The following HDAC4 variants were observed in gnomAD, a reference collection of about 807,000 sequenced individuals.
HDAC4 encodes the protein histone deacetylase 4.
Under a neutral mutation model 135.1 loss-of-function variants are expected in HDAC4, and 16 were observed. The observed-to-expected ratio is 0.12, with a 90% confidence interval of 0.08 to 0.18. The LOEUF (loss-of-function observed/expected upper bound fraction) is 0.18, where lower values mean the gene tolerates loss of function less well. Among genes scored for constraint, HDAC4 ranks in the 10% least tolerant of loss-of-function variants. HDAC4 has a pLI of 1.00. For missense variants in HDAC4, 1,143 were observed against 1,511.8 expected, an observed-to-expected ratio of 0.76 and a Z score of 4.05; for synonymous variants, 685 against 653.4, an observed-to-expected ratio of 1.05 and a Z score of -0.74.
rs74972876 is a variant in HDAC4, at chr2:239,319,515, G to T, written c.22+33163C>A. ...AAGACACTGGCACTAGGTCTAAGAC[G>T]GTGTGGCCGTGCTGGAGGTCACGCA... is the stretch of plus-strand genomic sequence containing the variant. On this transcript the variant is annotated intron_variant, in intron 2 of 26. Coordinates refer to ENST00000543185, the MANE Select transcript of HDAC4 (RefSeq NM_001378414.1). Among the ~76,000 whole-genome samples the T allele has an allele frequency of 7.9e-3, 1,202 of 152,342 alleles. 12 individuals carry two copies. The highest frequency in any genetic ancestry group is 0.028 in the African/African-American group (1,146 of 41,574).
chr2:239,388,578 C>A (rs1346209599), intron 1 of HDAC4, among the ~76,000 whole-genome samples: 2 of 152,210 alleles, frequency 1.3e-5, no homozygotes, highest in Non-Finnish European at 2.9e-5. Flanking sequence ...GCAGCTGGAC[C>A]GCACGGCTGG....
chr2:239,221,027 C>T (rs1400858835), intron 3 of HDAC4, among the ~76,000 whole-genome samples: 1 of 152,156 alleles, frequency 6.6e-6, no homozygotes, highest in Non-Finnish European at 1.5e-5. Context: ...AGCCCTTGGA[C>T]TCAGCTCATT....
In HDAC4 at chr2:239,115,242, G is replaced by A; in HGVS notation, c.1602C>T (p.Leu534=). The A allele has an allele frequency of 3.7e-6, 6 of 1,612,846 alleles. No individual in the cohort carries two copies. The highest frequency in any genetic ancestry group is 5.1e-6 in the Non-Finnish European group (6 of 1,179,718). Reference sequence around the variant, plus strand: ...CGTCCAGCAGAGCCTGGTGCTCACGGAGCTCCTCCTCCGTCTCCTCCGGGT... The same window carrying A: ...CGTCCAGCAGAGCCTGGTGCTCACGAAGCTCCTCCTCCGTCTCCTCCGGGT... ...ESHPEETEEE[L]REHQALLDEP... The change falls in exon 13 of 27, where the codon CTC becomes CTT. Residue 534 remains leucine, a synonymous_variant. Transcript: ENST00000543185. The surrounding 1 kb of genome is among the most constrained non-coding windows in gnomAD (Gnocchi z 6.3).
intron 13 of HDAC4, among the ~76,000 whole-genome samples, chr2:239,114,710 C>T (rs943461403): frequency 1.3e-5 from 2 of 152,220 alleles, no homozygotes; most frequent in African/African-American, 4.8e-5. Flanking sequence ...CTAGTTCCTT[C>T]ACTTCTTTAA....
chr2:239,284,508 T>C (rs1324345689), intron 2 of HDAC4, among the ~76,000 whole-genome samples: 1 of 152,184 alleles, frequency 6.6e-6, no homozygotes, highest in African/African-American at 2.4e-5. Flanking sequence ...GGGGTGACCC[T>C]GAGAGCAGCT....
chr2:239,230,724 T>C (rs1358867426), intron 3 of HDAC4, among the ~76,000 whole-genome samples: 1 of 152,208 alleles, frequency 6.6e-6, no homozygotes, highest in Non-Finnish European at 1.5e-5. Flanking sequence ...GCAGGAATAT[T>C]ACAACCAAGG....
At chr2:239,077,557 C>T (rs1039794961) in intron 22 of HDAC4, among the ~76,000 whole-genome samples, 2 of 152,254 alleles carry the variant, frequency 1.3e-5, no homozygotes, top group African/African-American at 4.8e-5. Flanking sequence ...AGCTTATATG[C>T]TTTTGCTTCT....
chr2:239,391,907 C>T (rs2411848), intron 1 of HDAC4, among the ~76,000 whole-genome samples: 3 of 48,646 alleles, frequency 6.2e-5, no homozygotes, highest in Non-Finnish European at 8.7e-5. Context: ...TTCGTCAGAA[C>T]GCAGCCCGCG....
At chr2:239,055,156 G>A (rs1428649013) in intron 24 of HDAC4, 1 of 344,616 alleles carries the variant, frequency 2.9e-6, no homozygotes, top group African/African-American at 2.1e-5. Flanking sequence ...GTTCCATGAG[G>A]GGGAGTGACG....
chr2:239,162,086 G>T (rs1440590309), intron 6 of HDAC4: 1 of 455,370 alleles, frequency 2.2e-6, no homozygotes, highest in African/African-American at 2.0e-5. Context: ...GCCACCCTCT[G>T]GGGGCTGCCC....
intron 2 of HDAC4, among the ~76,000 whole-genome samples, chr2:239,289,539 A>G (rs894454784): frequency 1.3e-5 from 2 of 152,232 alleles, no homozygotes; most frequent in Non-Finnish European, 2.9e-5. Flanking sequence ...CTAAGTGCCC[A>G]GCACCAGGCC....
chr2:239,114,616 AG>A (rs1406223295), intron 13 of HDAC4, among the ~76,000 whole-genome samples: 1 of 152,206 alleles, frequency 6.6e-6, no homozygotes, highest in Admixed American at 6.5e-5. Context: ...CTGGATCTGC[AG>A]GGCTGCTCAT....
chr2:239,104,974 C>T (rs184033757), intron 15 of HDAC4, among the ~76,000 whole-genome samples: 7 of 152,302 alleles, frequency 4.6e-5, no homozygotes, highest in East Asian at 1.9e-4. Flanking sequence ...TGCAGGTGCG[C>T]GACACCGCAA....
intron 2 of HDAC4, among the ~76,000 whole-genome samples, chr2:239,344,136 C>T (rs892325526): frequency 1.3e-5 from 2 of 152,146 alleles, no homozygotes; most frequent in Non-Finnish European, 2.9e-5. Context: ...GCCTGGCACC[C>T]GGAGGCAGCC....
intron 11 of HDAC4, among the ~76,000 whole-genome samples, chr2:239,127,605 G>A (rs1416721318): frequency 1.3e-5 from 2 of 152,186 alleles, no homozygotes; most frequent in Non-Finnish European, 2.9e-5. Flanking sequence ...TGCTGCTCAG[G>A]ATAAAAATGA....
intron 3 of HDAC4, among the ~76,000 whole-genome samples, chr2:239,221,070 G>A (rs574636): frequency 0.91 from 139,084 of 152,232 alleles, 63,632 homozygotes; most frequent in South Asian, 0.97. Context: ...CGCTGAGTGA[G>A]GCACAGAGGC....
At chr2:239,215,347 G>C (rs1382185572) in intron 3 of HDAC4, among the ~76,000 whole-genome samples, 1 of 152,208 alleles carries the variant, frequency 6.6e-6, no homozygotes, top group African/African-American at 2.4e-5. Context: ...GCTGGCAACA[G>C]GGAGTCACTG....
At chr2:239,209,765 T>C (rs990766444) in intron 3 of HDAC4, among the ~76,000 whole-genome samples, 7 of 152,192 alleles carry the variant, frequency 4.6e-5, no homozygotes, top group South Asian at 2.1e-4. Context: ...AAAGGACCTG[T>C]ATCCGTAACA....
chr2:239,185,229 C>T (rs2044468003), intron 4 of HDAC4, among the ~76,000 whole-genome samples: 1 of 151,078 alleles, frequency 6.6e-6, no homozygotes, highest in Non-Finnish European at 1.5e-5. Context: ...TGGGGGTTGC[C>T]CTGTATCTCC....
Sources: gnomAD v4.1 joint callset for allele counts (sites outside exome capture counted in the v4.1 genomes callset) on GRCh38, gnomAD v4.1.1 for gene constraint, Gnocchi (gnomAD v3.1) non-coding constraint, MANE v1.5 for transcripts, NCBI Gene and HGNC (gene_info 2026-07-23, HGNC 2026-07-21) for gene names.